SDCCAG8: variants seen among roughly 807,000 people sequenced by gnomAD.
SDCCAG8 encodes serologically defined colon cancer antigen 8.
A neutral mutation model predicts 101.8 loss-of-function variants in SDCCAG8; 74 were observed. That is an observed-to-expected ratio of 0.73 (90% CI 0.60 to 0.88). The LOEUF is 0.88. SDCCAG8 is among the 40% of genes least tolerant of loss of function. SDCCAG8 has a pLI of 0.00. For synonymous variants in SDCCAG8, 281 were observed against 292.9 expected (o/e 0.96, Z 0.41); for missense variants, 787 against 822.6 (o/e 0.96, Z 0.53).
chr1:243,492,765 G>A (rs1206319735), intron 17 of SDCCAG8, among the ~76,000 whole-genome samples: 7 of 151,206 alleles, frequency 4.6e-5, no homozygotes, highest in African/African-American at 1.7e-4. Context: ...CTGCCACCAC[G>A]CCTGGCTAAT....
At chr1:243,486,546 T>C (rs1664901811) in intron 16 of SDCCAG8, among the ~76,000 whole-genome samples, 1 of 152,168 alleles carries the variant, frequency 6.6e-6, no homozygotes, top group South Asian at 2.1e-4. Context: ...CTCCTCCAGG[T>C]TCTGAGGGCT....
At chr1:243,469,833 T>A (rs1227801959) in intron 16 of SDCCAG8, among the ~76,000 whole-genome samples, 1 of 149,258 alleles carries the variant, frequency 6.7e-6, no homozygotes, top group Non-Finnish European at 1.5e-5. Flanking sequence ...AGTGTTGGTT[T>A]TTTTTTTTTT....
chr1:243,433,853 TA>T (rs368211466), intron 16 of SDCCAG8, among the ~76,000 whole-genome samples: 10 of 152,234 alleles, frequency 6.6e-5, no homozygotes, highest in African/African-American at 2.4e-4. Flanking sequence ...GTAAAAAATT[TA>T]AAAGTACTAA....
At chr1:243,419,388 T>C (rs1225405231) in intron 15 of SDCCAG8, among the ~76,000 whole-genome samples, 1 of 152,128 alleles carries the variant, frequency 6.6e-6, no homozygotes, top group African/African-American at 2.4e-5. Context: ...ACCACATAGA[T>C]CCAAAAGTAA....
At chr1:243,461,917 T>G (rs1659197067) in intron 16 of SDCCAG8, among the ~76,000 whole-genome samples, 1 of 152,092 alleles carries the variant, frequency 6.6e-6, no homozygotes, top group Non-Finnish European at 1.5e-5. Context: ...CCCAAATGGG[T>G]CATGACCTCT....
At chr1:243,354,480 A>G (rs2076276946) in intron 12 of SDCCAG8, among the ~76,000 whole-genome samples, 1 of 152,228 alleles carries the variant, frequency 6.6e-6, no homozygotes, top group African/African-American at 2.4e-5. Flanking sequence ...ACATCATCTA[A>G]TTTGCAACAA....
chr1:243,448,804 T>TAA (rs2083131735), intron 16 of SDCCAG8, among the ~76,000 whole-genome samples: 1 of 152,234 alleles, frequency 6.6e-6, no homozygotes, highest in African/African-American at 2.4e-5. Flanking sequence ...TGCCTATAGT[T>TAA]CAGATCCTGG....
At chr1:243,471,825 A>G (rs575611600) in intron 16 of SDCCAG8, among the ~76,000 whole-genome samples, 17 of 152,324 alleles carry the variant, frequency 1.1e-4, no homozygotes, top group South Asian at 4.1e-4. Flanking sequence ...GCATTGGACT[A>G]TTAGGTCACA....
intron 9 of SDCCAG8, among the ~76,000 whole-genome samples, chr1:243,320,043 A>G (rs958404216): frequency 3.3e-5 from 5 of 152,008 alleles, no homozygotes; most frequent in African/African-American, 1.2e-4. Context: ...TACCATCTCA[A>G]ATTGAACTCA....
chr1:243,407,765 T>C (rs2079888526), intron 13 of SDCCAG8, among the ~76,000 whole-genome samples: 1 of 152,228 alleles, frequency 6.6e-6, no homozygotes, highest in South Asian at 2.1e-4. Context: ...TGATAACTCA[T>C]CTTTCAACAT....
At chr1:243,359,883 A>T (rs2076598022) in intron 12 of SDCCAG8, among the ~76,000 whole-genome samples, 1 of 152,192 alleles carries the variant, frequency 6.6e-6, no homozygotes, top group South Asian at 2.1e-4. Flanking sequence ...CAAGATGAGA[A>T]TAACTCCTTT....
chr1:243,288,331 G>A (rs1013212576), intron 5 of SDCCAG8, among the ~76,000 whole-genome samples: 3 of 151,704 alleles, frequency 2.0e-5, no homozygotes, highest in African/African-American at 7.3e-5. Flanking sequence ...AAAATTAGCC[G>A]AGCATGCTGA....
chr1:243,417,329 C>T (rs1000290373), intron 14 of SDCCAG8, among the ~76,000 whole-genome samples: 2 of 152,168 alleles, frequency 1.3e-5, no homozygotes, highest in Non-Finnish European at 2.9e-5. Flanking sequence ...TTAAAACCGC[C>T]TTAAGAACAT....
intron 6 of SDCCAG8, among the ~76,000 whole-genome samples, chr1:243,301,781 CAACTT>C (rs1238266585): frequency 6.6e-6 from 1 of 151,794 alleles, no homozygotes; most frequent in Non-Finnish European, 1.5e-5. Context: ...CATTTTATGA[CAACTT>C]AAAACAAAAG....
intron 13 of SDCCAG8, among the ~76,000 whole-genome samples, chr1:243,385,708 G>A (rs2078239240): frequency 6.6e-6 from 1 of 152,110 alleles, no homozygotes; most frequent in Non-Finnish European, 1.5e-5. Flanking sequence ...GGTGGCTCAT[G>A]CCTGTAATCC....
At chr1:243,287,725 A>G (rs2069769170) in intron 5 of SDCCAG8, among the ~76,000 whole-genome samples, 1 of 152,176 alleles carries the variant, frequency 6.6e-6, no homozygotes, top group South Asian at 2.1e-4. Context: ...GCTTATTTTA[A>G]AAATATTCAT....
intron 16 of SDCCAG8, among the ~76,000 whole-genome samples, chr1:243,481,238 G>A (rs1310878023): frequency 6.6e-6 from 1 of 152,160 alleles, no homozygotes; most frequent in African/African-American, 2.4e-5. Flanking sequence ...AAGGTCTGAT[G>A]GAGGAGGAAG....
At chr1:243,373,923 A>G (rs1160597752) in intron 12 of SDCCAG8, among the ~76,000 whole-genome samples, 1 of 152,140 alleles carries the variant, frequency 6.6e-6, no homozygotes, top group Non-Finnish European at 1.5e-5. Flanking sequence ...AGGAAAACCT[A>G]CAACATAATG....
chr1:243,288,519 C>T (rs1388147725), intron 5 of SDCCAG8, among the ~76,000 whole-genome samples: 1 of 151,922 alleles, frequency 6.6e-6, no homozygotes, highest in Non-Finnish European at 1.5e-5. Context: ...ATGCATGGTG[C>T]TGTGTTACAA....
Sources: allele counts gnomAD v4.1 joint callset (sites outside exome capture counted in the v4.1 genomes callset), GRCh38; gene constraint gnomAD v4.1.1; transcripts MANE v1.5; gene names NCBI Gene and HGNC (gene_info 2026-07-23, HGNC 2026-07-21).